Variants in NLRP7 observed in about 807,000 individuals in gnomAD.
NLRP7 encodes NACHT, LRR and PYD domains-containing protein 7.
In NLRP7, 72 loss-of-function variants were observed where a neutral mutation model predicts 85.5. The observed-to-expected ratio is 0.84, with a 90% CI of 0.70 to 1.02. The LOEUF is 1.02. Ranked by LOEUF, NLRP7 falls within the 50% of genes least tolerant of loss-of-function variation. The probability of loss-of-function intolerance (pLI) is 0.00; values close to 1 mark genes in which losing one functional copy is unlikely to be tolerated. For synonymous variants in NLRP7, 550 were observed against 505.2 expected (o/e 1.09, Z -1.19); for missense variants, 1,243 against 1,219.5 (o/e 1.02, Z -0.29).
intron 9 of NLRP7, among the ~76,000 whole-genome samples, chr19:54,925,959 C>T (rs969960869): frequency 7.9e-5 from 12 of 151,424 alleles, no homozygotes; most frequent in African/African-American, 2.7e-4. Flanking sequence ...GAGATCGCAC[C>T]GCTTCACTCC....
intron 8 of NLRP7, among the ~76,000 whole-genome samples, chr19:54,932,377 A>C (rs186677157): frequency 6.6e-6 from 1 of 151,844 alleles, no homozygotes; most frequent in African/African-American, 2.4e-5. Flanking sequence ...GCAGTCAGCC[A>C]AGATTACACC....
At chr19:54,950,452 T>C (rs1368627551), upstream of NLRP7, among the ~76,000 whole-genome samples, 5 of 152,124 alleles carry the variant, frequency 3.3e-5, no homozygotes, top group African/African-American at 4.8e-5. Flanking sequence ...TCCCTTAGTA[T>C]TTATTGATCA....
intron 5 of NLRP7, among the ~76,000 whole-genome samples, chr19:54,937,677 C>T (rs1056719117): frequency 6.6e-6 from 1 of 152,072 alleles, no homozygotes; most frequent in South Asian, 2.1e-4. Context: ...GCAGGCAAAT[C>T]ACCTGAGGTC....
At chr19:54,937,284 T>G (rs887313712) in intron 5 of NLRP7, among the ~76,000 whole-genome samples, 5 of 151,472 alleles carry the variant, frequency 3.3e-5, no homozygotes, top group African/African-American at 9.7e-5. Context: ...GGCTTAATAC[T>G]TGGGTGACAA....
intron 3 of NLRP7, 105 bp downstream of exon 3, chr19:54,940,826 C>CAAA (rs11290760): frequency 1.6e-4 from 123 of 758,932 alleles, no homozygotes; most frequent in Non-Finnish European, 2.1e-4. Context: ...GATTCCGTCT[C>CAAA]AAAAAAAAAA....
chr19:54,964,492 A>C (rs1274806531), intron 1 of NLRP7, among the ~76,000 whole-genome samples: 1 of 151,552 alleles, frequency 6.6e-6, no homozygotes. Flanking sequence ...CTGGGATTAC[A>C]GGCGTGAGCC....
chr19:54,941,873 G>T, intron 1 of NLRP7, 123 bp from the exon 2 acceptor site: 1 of 772,688 alleles, frequency 1.3e-6, no homozygotes, highest in Non-Finnish European at 2.0e-6. Flanking sequence ...TCCAAAGACT[G>T]AATTAAGAGA....
chr19:54,936,894 A>AAC (rs963228191), intron 5 of NLRP7, among the ~76,000 whole-genome samples: 1 of 151,698 alleles, frequency 6.6e-6, no homozygotes, highest in African/African-American at 2.4e-5. Flanking sequence ...CAGCCTGGGC[A>AAC]ACAGAGCAAG....
chr19:54,959,659 T>G (rs2069974334), intron 1 of NLRP7, among the ~76,000 whole-genome samples: 1 of 151,496 alleles, frequency 6.6e-6, no homozygotes, highest in African/African-American at 2.4e-5. Flanking sequence ...AATTTTAGTG[T>G]ATGTGCTGCC....
intron 3 of NLRP7, 96 bp downstream of exon 3, chr19:54,940,835 A>G: frequency 1.1e-6 from 1 of 897,438 alleles, no homozygotes; most frequent in Non-Finnish European, 1.9e-6. Context: ...TCAAAAAAAA[A>G]AAAAACTACC....
intron 1 of NLRP7, among the ~76,000 whole-genome samples, chr19:54,958,961 G>A (rs1377348952): frequency 6.6e-6 from 1 of 152,082 alleles, no homozygotes; most frequent in Non-Finnish European, 1.5e-5. Context: ...GAGTTTCACA[G>A]TGTTCTTCTA....
chr19:54,940,980 A>T lies in NLRP7; in HGVS notation c.303T>A (p.Asp101Glu), dbSNP rs141937804. ...CTTCTGCATCTCCCAGCTCAGGATT[A>T]TCTATTTCTTGCACCTGTCCGTCCT... The change falls in exon 3 of 10, where the codon GAT (aspartate) becomes GAA (glutamate). Residue 101 changes from aspartate (D) to glutamate (E), a missense_variant. Coordinates refer to ENST00000340844, the Ensembl canonical transcript of NLRP7. 16 of 1,612,512 alleles carry T rather than the reference A, an allele frequency of 9.9e-6. No homozygotes were observed. The African/African-American group carries it at 1.7e-4, about 17-fold the overall frequency.
intron 1 of NLRP7, among the ~76,000 whole-genome samples, chr19:54,958,547 A>G (rs2069932462): frequency 6.6e-6 from 1 of 151,980 alleles, no homozygotes; most frequent in Non-Finnish European, 1.5e-5. Context: ...CTGGAGGCTG[A>G]GGCAGGAGAA....
chr19:54,955,552 T>G (rs752900679), intron 1 of NLRP7, among the ~76,000 whole-genome samples: 17 of 151,958 alleles, frequency 1.1e-4, no homozygotes, highest in Non-Finnish European at 2.1e-4. Context: ...AAGCCCAGCA[T>G]GTTGGGAAGC....
chr19:54,935,768 A>G (rs1185388855), intron 6 of NLRP7, among the ~76,000 whole-genome samples: 1 of 151,764 alleles, frequency 6.6e-6, no homozygotes, highest in Non-Finnish European at 1.5e-5. Context: ...CTAACTCCTG[A>G]TGATCTGAGA....
chr19:54,923,534 T>C (rs1162729060), exon 10 of NLRP7: 1 of 633,428 alleles, frequency 1.6e-6, no homozygotes, highest in Non-Finnish European at 2.8e-6. Context: ...CTAACTTTAT[T>C]ATCCCTGTGA....
chr19:54,930,463 A>G, intron 9 of NLRP7, 36 bp downstream of exon 9: 1 of 1,502,472 alleles, frequency 6.7e-7, no homozygotes, highest in African/African-American at 1.4e-5. Flanking sequence ...CCCTGTCTCA[A>G]AAAAAGAAAG....
At chr19:54,930,962 G>T (rs1419159730) in intron 8 of NLRP7, among the ~76,000 whole-genome samples, 1 of 152,022 alleles carries the variant, frequency 6.6e-6, no homozygotes, top group African/African-American at 2.4e-5. Context: ...GGCAGAGGCT[G>T]CAGTGAGCTG....
chr19:54,963,467 A>G (rs2070138038), intron 1 of NLRP7, among the ~76,000 whole-genome samples: 1 of 151,986 alleles, frequency 6.6e-6, no homozygotes, highest in African/African-American at 2.4e-5. Flanking sequence ...AGGCGGGCGG[A>G]TCACGAGGTC....
Sources: gnomAD v4.1 joint callset for allele counts (sites outside exome capture counted in the v4.1 genomes callset) on GRCh38, gnomAD v4.1.1 for gene constraint, MANE v1.5 for transcripts, NCBI Gene and HGNC (gene_info 2026-07-23, HGNC 2026-07-21) for gene names.